MYRIP: variants seen among roughly 807,000 people sequenced by gnomAD.
MYRIP encodes myosin VIIA and Rab interacting protein.
In MYRIP, 49 loss-of-function variants were observed where a neutral mutation model predicts 98.0. The ratio of observed to expected loss-of-function variants is 0.50; its 90% CI spans 0.40 to 0.63. The LOEUF (loss-of-function observed/expected upper bound fraction) is 0.63. Ranked by LOEUF, MYRIP falls within the 30% of genes least tolerant of loss-of-function variation. The pLI is 0.00. For synonymous variants in MYRIP, 404 were observed against 409.5 expected (o/e 0.99, Z 0.16); for missense variants, 1,004 against 1,058.2 (o/e 0.95, Z 0.71).
intron 1 of MYRIP, among the ~76,000 whole-genome samples, chr3:39,813,870 C>T (rs1940783016): frequency 6.6e-6 from 1 of 151,984 alleles, no homozygotes; most frequent in African/African-American, 2.4e-5. Context: ...GTGTTTAAAA[C>T]AACATGTTAT....
chr3:39,970,679 G>C (rs1355496905), intron 2 of MYRIP, among the ~76,000 whole-genome samples: 13 of 152,032 alleles, frequency 8.6e-5, no homozygotes, highest in Non-Finnish European at 1.6e-4. Flanking sequence ...AGATCAGTGG[G>C]GAGAAATTGT....
In MYRIP at chr3:39,888,084, G is replaced by A. The variant is rs558605130; in HGVS notation, c.-30-12703G>A. ...CTCATGGGTAGGAAGAATCAATATCGTGAAAATGGCCATACTTCCCAAGGT... is the reference window on the plus strand; with the variant it reads ...CTCATGGGTAGGAAGAATCAATATCATGAAAATGGCCATACTTCCCAAGGT... On this transcript the variant is annotated intron_variant, in intron 1 of 16. Coordinates refer to ENST00000302541, the MANE Select transcript of MYRIP (RefSeq NM_015460.4). Among the ~76,000 whole-genome samples the A allele has an allele frequency of 1.8e-3, 268 of 151,930 alleles. 2 individuals carry two copies. The South Asian group carries it at 0.036, about 20-fold the overall frequency.
intron 2 of MYRIP, among the ~76,000 whole-genome samples, chr3:39,996,266 G>A (rs1030407484): frequency 1.3e-5 from 2 of 152,174 alleles, no homozygotes; most frequent in African/African-American, 2.4e-5. Flanking sequence ...AGACCCATCT[G>A]TGTGCTGTAT....
At chr3:40,161,643 C>G (rs532422767) in intron 4 of MYRIP, among the ~76,000 whole-genome samples, 1 of 152,304 alleles carries the variant, frequency 6.6e-6, no homozygotes, top group East Asian at 1.9e-4. Flanking sequence ...ACACCCAAGT[C>G]TCTCCTGTTT....
Position 40,212,208 on chromosome 3 carries a change from G to A in MYRIP, c.1905+2115G>A, listed in dbSNP as rs1559456736. 1.3e-3 allele frequency among the ~76,000 whole-genome samples: 49 copies of A among 37,662 alleles called. 8 individuals are homozygous for A. The highest frequency in any genetic ancestry group is 3.3e-3 in the Non-Finnish European group (41 of 12,594). The allele number at this position is 37,662 out of a possible 152,430, so 24.7% of individuals were successfully genotyped here. ...TATGTGTATATACATATATATACGT[G>A]TGTGTATATATATATATACACACAC... On this transcript the variant is annotated intron_variant, in intron 11 of 16. Coordinates refer to ENST00000302541, the MANE Select transcript of MYRIP (RefSeq NM_015460.4).
chr3:40,231,456 C>T (rs1324334607), intron 11 of MYRIP, among the ~76,000 whole-genome samples: 1 of 152,190 alleles, frequency 6.6e-6, no homozygotes, highest in Non-Finnish European at 1.5e-5. Flanking sequence ...ATGTAGAGAA[C>T]TGGGAAGTGC....
At chr3:40,237,455 A>G (rs1244591618) in intron 12 of MYRIP, among the ~76,000 whole-genome samples, 1 of 152,168 alleles carries the variant, frequency 6.6e-6, no homozygotes, top group African/African-American at 2.4e-5. Context: ...ACATTGTCAA[A>G]TATTAGGCGT....
intron 3 of MYRIP, among the ~76,000 whole-genome samples, chr3:40,118,016 A>T (rs1039913947): frequency 9.2e-6 from 1 of 108,366 alleles, no homozygotes. Flanking sequence ...TACTCCTACA[A>T]ATCCAAAACA....
chr3:39,936,209 T>A (rs6805751), intron 2 of MYRIP, among the ~76,000 whole-genome samples: 31,499 of 151,844 alleles, frequency 0.21, 4,998 homozygotes, highest in African/African-American at 0.45. Context: ...GTATACAGAG[T>A]GTTGGAAGTG....
chr3:40,252,443 A>G (rs1953405588), intron 16 of MYRIP, among the ~76,000 whole-genome samples: 1 of 152,152 alleles, frequency 6.6e-6, no homozygotes, highest in Non-Finnish European at 1.5e-5. Flanking sequence ...ATTATCAACT[A>G]TCTTAAACCA....
chr3:40,171,993 T>C, intron 8 of MYRIP, among the ~76,000 whole-genome samples: 1 of 152,110 alleles, frequency 6.6e-6, no homozygotes, highest in Non-Finnish European at 1.5e-5. Context: ...AACTCCCCCT[T>C]ATAAAACCAT....
At chr3:39,949,230 T>A (rs1944960057) in intron 2 of MYRIP, among the ~76,000 whole-genome samples, 1 of 152,148 alleles carries the variant, frequency 6.6e-6, no homozygotes, top group African/African-American at 2.4e-5. Context: ...TTCCATGCCA[T>A]CATCTATCTC....
chr3:39,979,376 T>C (rs2125756658), intron 2 of MYRIP, among the ~76,000 whole-genome samples: 1 of 152,244 alleles, frequency 6.6e-6, no homozygotes, highest in East Asian at 1.9e-4. Flanking sequence ...CGGTGGCTCA[T>C]GCCTGTAATC....
At chr3:40,001,500 C>T (rs1280224449) in intron 2 of MYRIP, among the ~76,000 whole-genome samples, 2 of 152,216 alleles carry the variant, frequency 1.3e-5, no homozygotes, top group African/African-American at 4.8e-5. Flanking sequence ...TCATGCAGTT[C>T]TGTCTCATAA....
chr3:39,873,641 A>G (rs1175275893), intron 1 of MYRIP, among the ~76,000 whole-genome samples: 2 of 152,134 alleles, frequency 1.3e-5, no homozygotes, highest in African/African-American at 4.8e-5. Context: ...CAAAGATCAG[A>G]TAGTTGTAGA....
In MYRIP at chr3:39,939,967, A is replaced by G. The variant is rs568962868; in HGVS notation, c.110+39041A>G. On this transcript the variant is annotated intron_variant, in intron 2 of 16. Transcript: ENST00000302541. Reference sequence around the variant, plus strand: ...TGCATGTGTATGTGTAGATATACACATGTTATTTATCTGTTTATCCTAATT... The same window carrying G: ...TGCATGTGTATGTGTAGATATACACGTGTTATTTATCTGTTTATCCTAATT... 3.3e-5 allele frequency among the ~76,000 whole-genome samples: 5 copies of G among 151,772 alleles called. 1 individual carries two copies. Among genetic ancestry groups the G allele is most frequent in the African/African-American group, 1.2e-4 (5 of 41,394 alleles).
intron 1 of MYRIP, among the ~76,000 whole-genome samples, chr3:39,843,574 T>G (rs1398555984): frequency 6.6e-6 from 1 of 152,184 alleles, no homozygotes; most frequent in Non-Finnish European, 1.5e-5. Flanking sequence ...TTGGTGAGAC[T>G]AATGCATTCC....
intron 11 of MYRIP, among the ~76,000 whole-genome samples, chr3:40,223,041 C>T (rs1014653467): frequency 6.6e-5 from 10 of 152,160 alleles, no homozygotes; most frequent in African/African-American, 2.4e-4. Flanking sequence ...TGGAAACTAA[C>T]TCCATCCATA....
chr3:40,159,641 G>T (rs1039884477), intron 4 of MYRIP, among the ~76,000 whole-genome samples: 70 of 152,042 alleles, frequency 4.6e-4, no homozygotes, highest in Non-Finnish European at 9.1e-4. Flanking sequence ...CCAATCAGAC[G>T]TAGATTTGGT....
Sources: allele counts gnomAD v4.1 joint callset (sites outside exome capture counted in the v4.1 genomes callset), GRCh38; gene constraint gnomAD v4.1.1; transcripts MANE v1.5; gene names NCBI Gene and HGNC (gene_info 2026-07-23, HGNC 2026-07-21).